Variants in ITFG1 observed in about 807,000 individuals in gnomAD.
ITFG1 encodes integrin alpha FG-GAP repeat containing 1, also known as T-cell immunomodulatory protein.
In ITFG1, 34 loss-of-function variants were observed where a neutral mutation model predicts 81.8. The ratio of observed to expected loss-of-function variants is 0.42; its 90% CI spans 0.32 to 0.55. ITFG1 has a LOEUF of 0.55. ITFG1 is among the 20% of genes least tolerant of loss of function. ITFG1 has a pLI of 0.17. For synonymous variants in ITFG1, 285 were observed against 270.6 expected (o/e 1.05, Z -0.52); for missense variants, 672 against 755.4 (o/e 0.89, Z 1.29).
At chr16:47,401,124 A>G (rs556428153) in intron 6 of ITFG1, among the ~76,000 whole-genome samples, 2 of 152,180 alleles carry the variant, frequency 1.3e-5, no homozygotes, top group Non-Finnish European at 2.9e-5. Context: ...ATGGTTTCAA[A>G]AAGTTTTTAG....
chr16:47,185,712 G>T (rs1200223555), intron 14 of ITFG1, among the ~76,000 whole-genome samples: 1 of 152,070 alleles, frequency 6.6e-6, no homozygotes, highest in African/African-American at 2.4e-5. Context: ...AGAAAAGCAA[G>T]AGCAAACACA....
At chr16:47,160,187 TAAAAAAA>T (rs34363166) in intron 16 of ITFG1, among the ~76,000 whole-genome samples, 1 of 115,552 alleles carries the variant, frequency 8.7e-6, no homozygotes, top group African/African-American at 3.2e-5. Flanking sequence ...AGTGTTTTGG[TAAAAAAA>T]AAAAAAAAAA....
At chr16:47,287,773 C>A (rs935749797) in intron 10 of ITFG1, among the ~76,000 whole-genome samples, 5 of 152,144 alleles carry the variant, frequency 3.3e-5, no homozygotes, top group Admixed American at 3.3e-4. Context: ...TTTTGAATTT[C>A]ACGAATGACT....
At chr16:47,338,963 T>G (rs1011944869) in intron 8 of ITFG1, among the ~76,000 whole-genome samples, 1 of 152,218 alleles carries the variant, frequency 6.6e-6, no homozygotes, top group Non-Finnish European at 1.5e-5. Flanking sequence ...CTACTATTCT[T>G]CCCAGCCTCT....
At chr16:47,360,391 C>CA (rs1358027935) in intron 8 of ITFG1, among the ~76,000 whole-genome samples, 1 of 152,080 alleles carries the variant, frequency 6.6e-6, no homozygotes, top group Admixed American at 6.5e-5. Flanking sequence ...GACTAGTGTT[C>CA]AATGTCCCTT....
At chr16:47,428,451 G>A (rs1051289901) in intron 6 of ITFG1, among the ~76,000 whole-genome samples, 4 of 151,860 alleles carry the variant, frequency 2.6e-5, no homozygotes, top group Non-Finnish European at 5.9e-5. Context: ...TTGTACATAA[G>A]CTAAAGATTT....
intron 6 of ITFG1, among the ~76,000 whole-genome samples, chr16:47,427,284 T>C (rs16945354): frequency 0.13 from 19,639 of 152,124 alleles, 2,888 homozygotes; most frequent in African/African-American, 0.36. Flanking sequence ...ACTTAAACTG[T>C]ATCACCTAAT....
chr16:47,448,806 G>A (rs543771473), intron 5 of ITFG1: 19 of 152,164 alleles, frequency 1.2e-4, no homozygotes, highest in East Asian at 7.7e-4. Context: ...AGAAGCTGCT[G>A]TGACACTTAA....
intron 12 of ITFG1, among the ~76,000 whole-genome samples, chr16:47,255,140 C>G (rs143532095): frequency 6.6e-6 from 1 of 152,010 alleles, no homozygotes. Context: ...AGGAAAAATC[C>G]CACAGTTATC....
chr16:47,444,465 C>T (rs906903916), intron 5 of ITFG1, among the ~76,000 whole-genome samples: 2 of 152,096 alleles, frequency 1.3e-5, no homozygotes, highest in South Asian at 4.2e-4. Flanking sequence ...TTTTATTAAA[C>T]ATGACAAACT....
chr16:47,455,343 C>T (rs749379597), intron 2 of ITFG1, among the ~76,000 whole-genome samples: 5 of 149,210 alleles, frequency 3.4e-5, no homozygotes, highest in Non-Finnish European at 5.9e-5. Context: ...ACTAATGCAA[C>T]AAAAGAAAAC....
chr16:47,349,662 G>C (rs781010096), intron 8 of ITFG1, among the ~76,000 whole-genome samples: 2 of 151,926 alleles, frequency 1.3e-5, no homozygotes, highest in African/African-American at 2.4e-5. Flanking sequence ...GAGAGAGAAA[G>C]TTAACAAGGA....
intron 7 of ITFG1, among the ~76,000 whole-genome samples, chr16:47,366,624 AAAAG>A (rs1160514081): frequency 6.6e-6 from 1 of 152,222 alleles, no homozygotes; most frequent in African/African-American, 2.4e-5. Context: ...TTACACAAGA[AAAAG>A]AAATCAAAAC....
intron 15 of ITFG1, among the ~76,000 whole-genome samples, chr16:47,162,307 C>T (rs1416677793): frequency 6.6e-6 from 1 of 151,678 alleles, no homozygotes; most frequent in Non-Finnish European, 1.5e-5. Context: ...GGATAGGTGA[C>T]GTTTATGGGA....
intron 10 of ITFG1, among the ~76,000 whole-genome samples, chr16:47,267,539 C>T (rs1966291033): frequency 6.6e-6 from 1 of 152,068 alleles, no homozygotes; most frequent in South Asian, 2.1e-4. Flanking sequence ...AAAGAAGACT[C>T]AAACAATAAT....
chr16:47,330,093 G>A (rs1967616621), intron 8 of ITFG1, among the ~76,000 whole-genome samples: 1 of 151,986 alleles, frequency 6.6e-6, no homozygotes, highest in Non-Finnish European at 1.5e-5. Flanking sequence ...GTAAAAAATA[G>A]ACAGGCATGC....
At chr16:47,295,176 TC>T (rs1966964167) in intron 10 of ITFG1, among the ~76,000 whole-genome samples, 1 of 152,196 alleles carries the variant, frequency 6.6e-6, no homozygotes, top group South Asian at 2.1e-4. Flanking sequence ...TGTTGAACCA[TC>T]TTTGCATCGC....
intron 6 of ITFG1, among the ~76,000 whole-genome samples, chr16:47,380,598 A>G (rs1968384028): frequency 6.6e-6 from 1 of 152,178 alleles, no homozygotes; most frequent in South Asian, 2.1e-4. Flanking sequence ...TGATCAAGGC[A>G]GGGTGGGAGT....
chr16:47,231,929 G>A (rs1420354176), intron 13 of ITFG1, among the ~76,000 whole-genome samples: 3 of 152,198 alleles, frequency 2.0e-5, no homozygotes, highest in African/African-American at 4.8e-5. Flanking sequence ...TGGGGCTAAC[G>A]TAATCACAAA....
Sources: allele counts gnomAD v4.1 joint callset (sites outside exome capture counted in the v4.1 genomes callset), GRCh38; gene constraint gnomAD v4.1.1; transcripts MANE v1.5; gene names NCBI Gene and HGNC (gene_info 2026-07-23, HGNC 2026-07-21).